The following AUTS2 variants were observed in gnomAD, a reference collection of about 807,000 sequenced individuals.
AUTS2 encodes autism susceptibility gene 2 protein.
Under a neutral mutation model 112.4 loss-of-function variants are expected in AUTS2, and 17 were observed. The ratio of observed to expected loss-of-function variants is 0.15; its 90% CI spans 0.10 to 0.23. The LOEUF is 0.23. Among genes scored for constraint, AUTS2 ranks in the 10% least tolerant of loss-of-function variants. The pLI, the probability that AUTS2 is intolerant of heterozygous loss-of-function variation, is 1.00. For missense variants in AUTS2, 1,510 were observed against 1,701.6 expected, an observed-to-expected ratio of 0.89 and a Z score of 1.98; for synonymous variants, 751 against 702.7, an observed-to-expected ratio of 1.07 and a Z score of -1.09.
chr7:69,613,909 T>G (rs1793178884), intron 1 of AUTS2, among the ~76,000 whole-genome samples: 1 of 152,180 alleles, frequency 6.6e-6, no homozygotes, highest in Admixed American at 6.5e-5. Context: ...AGTCCATTGA[T>G]TTCCTCTGTC....
chr7:70,707,182 GC>G (rs1222898820), intron 6 of AUTS2, among the ~76,000 whole-genome samples: 6 of 152,226 alleles, frequency 3.9e-5, no homozygotes, highest in Non-Finnish European at 8.8e-5. Flanking sequence ...AATCTTCACA[GC>G]AGCTCTTAAT....
At position 70,399,350 on chromosome 7, in the gene AUTS2, G is replaced by A. The variant is rs190883984; in HGVS notation, c.661-36402G>A. Among the ~76,000 whole-genome samples, 263 of 152,048 alleles carry A rather than the reference G, an allele frequency of 1.7e-3. 1 individual carries two copies. Among genetic ancestry groups the A allele is most frequent in the Non-Finnish European group, 3.0e-3 (203 of 67,968 alleles). On this transcript the variant is annotated intron_variant, in intron 4 of 18. Transcript: ENST00000342771. ...TATATTCATAGATTTCCAATATTAC[G>A]CCATTCTATGTACATTGTACATACA...
intron 2 of AUTS2, among the ~76,000 whole-genome samples, chr7:70,083,356 G>A (rs1803418511): frequency 6.6e-6 from 1 of 152,142 alleles, no homozygotes; most frequent in South Asian, 2.1e-4. Flanking sequence ...ATAAGGCAGC[G>A]AGGACAAGTT....
chr7:70,628,558 T>C (rs1805083418), intron 5 of AUTS2, among the ~76,000 whole-genome samples: 1 of 34,108 alleles, frequency 2.9e-5, no homozygotes, highest in Non-Finnish European at 5.1e-5. Flanking sequence ...ATGCTATTAA[T>C]AGTATACCTA....
At chr7:70,288,310 G>A (rs1236964281) in intron 4 of AUTS2, among the ~76,000 whole-genome samples, 5 of 152,232 alleles carry the variant, frequency 3.3e-5, no homozygotes, top group African/African-American at 1.2e-4. Flanking sequence ...GCTGAGGCAG[G>A]AAAATGGCGT....
At chr7:70,401,965 C>T (rs1446131578) in intron 4 of AUTS2, among the ~76,000 whole-genome samples, 2 of 152,354 alleles carry the variant, frequency 1.3e-5, no homozygotes, top group Middle Eastern at 3.4e-3. Context: ...TTACACTATT[C>T]CCCCCAGGTT....
chr7:70,407,915 G>A (rs983826946), intron 4 of AUTS2, among the ~76,000 whole-genome samples: 1 of 152,040 alleles, frequency 6.6e-6, no homozygotes, highest in African/African-American at 2.4e-5. Context: ...TTAGCCAGGC[G>A]TGGTGGCAGG....
chr7:69,867,976 G>C (rs908085004), intron 1 of AUTS2, among the ~76,000 whole-genome samples: 5 of 151,638 alleles, frequency 3.3e-5, no homozygotes, highest in African/African-American at 1.2e-4. Flanking sequence ...AGGAAATTCA[G>C]ATTTAGCTGG....
intron 1 of AUTS2, among the ~76,000 whole-genome samples, chr7:69,762,117 G>C (rs533475898): frequency 4.6e-5 from 7 of 152,042 alleles, no homozygotes; most frequent in Non-Finnish European, 5.9e-5. Context: ...TGGCACACTG[G>C]TCCGGGTTGA....
chr7:69,611,699 G>A (rs539958969), intron 1 of AUTS2, among the ~76,000 whole-genome samples: 61 of 151,902 alleles, frequency 4.0e-4, no homozygotes, highest in Non-Finnish European at 6.9e-4. Flanking sequence ...GGGAGGCCGA[G>A]GCGGGTGGAT....
intron 2 of AUTS2, among the ~76,000 whole-genome samples, chr7:70,112,498 T>C (rs1805137577): frequency 6.6e-6 from 1 of 152,010 alleles, no homozygotes; most frequent in African/African-American, 2.4e-5. Flanking sequence ...CCTTTTTCAT[T>C]GTTTTGTTTT....
At chr7:70,788,260 C>T (rs1201600786) in intron 18 of AUTS2, among the ~76,000 whole-genome samples, 6 of 151,874 alleles carry the variant, frequency 4.0e-5, no homozygotes, top group African/African-American at 1.2e-4. Flanking sequence ...AAATTTGATC[C>T]GAATCTTTAA....
At chr7:69,675,473 G>C (rs1796516580) in intron 1 of AUTS2, among the ~76,000 whole-genome samples, 1 of 146,926 alleles carries the variant, frequency 6.8e-6, no homozygotes, top group South Asian at 2.2e-4. Context: ...GTACTGTGCT[G>C]TGATCATTTC....
intron 1 of AUTS2, among the ~76,000 whole-genome samples, chr7:69,637,747 G>T (rs901779571): frequency 7.9e-5 from 12 of 152,116 alleles, no homozygotes; most frequent in Non-Finnish European, 1.8e-4. Context: ...TCTTCTTGAG[G>T]CAGTGAAACC....
intron 2 of AUTS2, among the ~76,000 whole-genome samples, chr7:70,117,030 C>T (rs1241046039): frequency 6.7e-6 from 1 of 149,164 alleles, no homozygotes; most frequent in Non-Finnish European, 1.5e-5. Context: ...TGTATTTGTT[C>T]ATTTTTAATG....
At chr7:69,949,134 G>A (rs2129545755) in intron 2 of AUTS2, among the ~76,000 whole-genome samples, 1 of 152,226 alleles carries the variant, frequency 6.6e-6, no homozygotes, top group Non-Finnish European at 1.5e-5. Flanking sequence ...TAGTCACCTA[G>A]CCTTATTGTA....
chr7:69,943,202 A>C (rs1796691616), intron 2 of AUTS2, among the ~76,000 whole-genome samples: 1 of 152,222 alleles, frequency 6.6e-6, no homozygotes, highest in Non-Finnish European at 1.5e-5. Context: ...CTATCTGTTA[A>C]CTGAGAATAA....
At chr7:70,050,615 T>A (rs1801707067) in intron 2 of AUTS2, among the ~76,000 whole-genome samples, 1 of 152,142 alleles carries the variant, frequency 6.6e-6, no homozygotes, top group African/African-American at 2.4e-5. Flanking sequence ...TATCAGTAGC[T>A]GAATTTGGGG....
chr7:70,285,368 T>C (rs1229187524), intron 4 of AUTS2, among the ~76,000 whole-genome samples: 1 of 152,186 alleles, frequency 6.6e-6, no homozygotes, highest in African/African-American at 2.4e-5. Flanking sequence ...GCCTCCTTTG[T>C]TAGTCAGTGT....
Sources: gnomAD v4.1 joint callset for allele counts (sites outside exome capture counted in the v4.1 genomes callset) on GRCh38, gnomAD v4.1.1 for gene constraint, MANE v1.5 for transcripts, NCBI Gene and HGNC (gene_info 2026-07-23, HGNC 2026-07-21) for gene names.